Variants in SYNDIG1 observed in about 807,000 individuals in gnomAD.
SYNDIG1 encodes the protein synapse differentiation-inducing gene protein 1.
In SYNDIG1, 9 loss-of-function variants were observed where a neutral mutation model predicts 19.4. The ratio of observed to expected loss-of-function variants is 0.46; its 90% CI spans 0.28 to 0.81. The LOEUF (loss-of-function observed/expected upper bound fraction) is 0.81. Ranked by LOEUF, SYNDIG1 falls within the 30% of genes least tolerant of loss-of-function variation. The pLI is 0.12. For missense variants in SYNDIG1, 311 were observed against 343.3 expected (o/e 0.91, Z 0.74); for synonymous variants, 141 against 145.9 (o/e 0.97, Z 0.24).
chr20:24,558,657 G>A (rs1568640692), intron 2 of SYNDIG1, among the ~76,000 whole-genome samples: 1 of 152,060 alleles, frequency 6.6e-6, no homozygotes, highest in Non-Finnish European at 1.5e-5. Context: ...AATATGTTTA[G>A]CGTACCATTT....
intron 3 of SYNDIG1, among the ~76,000 whole-genome samples, chr20:24,604,342 G>A (rs2058722854): frequency 6.6e-6 from 1 of 152,146 alleles, no homozygotes; most frequent in Non-Finnish European, 1.5e-5. Flanking sequence ...CACAGGATGA[G>A]ACAGGAGGTT....
intron 3 of SYNDIG1, among the ~76,000 whole-genome samples, chr20:24,617,177 G>A (rs1398695368): frequency 1.3e-5 from 2 of 152,164 alleles, no homozygotes; most frequent in African/African-American, 4.8e-5. Context: ...GGGTTCTCCT[G>A]CAGCACGGGG....
rs527380555 is a variant in SYNDIG1 at position 24,658,700 on chromosome 20, A to G, written c.619-6646A>G. On this transcript the variant is annotated intron_variant, in intron 3 of 3. Transcript: ENST00000376862. The surrounding 1 kb of genome is among the most constrained non-coding windows in gnomAD (Gnocchi z 4.4). ...GAGCCTGTTTCCCAGGGGCCTGGGA[A>G]AGCCCACAAAGTGCACAGCCCGGCA... is the stretch of plus-strand genomic sequence containing the variant. 6.6e-6 allele frequency among the ~76,000 whole-genome samples: 1 copy of G among 151,570 alleles called. No individual in the cohort carries two copies. The highest frequency in any genetic ancestry group is 2.0e-4 in the East Asian group (1 of 5,092).
chr20:24,496,189 G>A (rs139326833), intron 1 of SYNDIG1, among the ~76,000 whole-genome samples: 3 of 152,316 alleles, frequency 2.0e-5, no homozygotes, highest in Non-Finnish European at 4.4e-5. Flanking sequence ...TGTTTCAGGA[G>A]CAGCAAGAGA....
chr20:24,487,129 G>T (rs1207745215), intron 1 of SYNDIG1, among the ~76,000 whole-genome samples: 3 of 152,092 alleles, frequency 2.0e-5, no homozygotes, highest in Non-Finnish European at 4.4e-5. Context: ...GGGAAGAAAT[G>T]GCTTCAGCTG....
intron 1 of SYNDIG1, among the ~76,000 whole-genome samples, chr20:24,471,217 G>A (rs1362940868): frequency 6.6e-6 from 1 of 152,084 alleles, no homozygotes; most frequent in African/African-American, 2.4e-5. Flanking sequence ...TGCCGCGTCG[G>A]GGATCGGAAG....
At chr20:24,533,668 C>T (rs957043942) in intron 1 of SYNDIG1, among the ~76,000 whole-genome samples, 4 of 152,102 alleles carry the variant, frequency 2.6e-5, no homozygotes, top group Admixed American at 2.6e-4. Context: ...AGCCTCCGAG[C>T]TGTCCCACCC....
At chr20:24,471,019 CAGTT>C (rs2055427671) in intron 1 of SYNDIG1, among the ~76,000 whole-genome samples, 1 of 152,076 alleles carries the variant, frequency 6.6e-6, no homozygotes, top group African/African-American at 2.4e-5. Flanking sequence ...TGGTTGGAAT[CAGTT>C]GGTGAGGCGT....
At chr20:24,626,679 C>T (rs1453229242) in intron 3 of SYNDIG1, among the ~76,000 whole-genome samples, 1 of 152,252 alleles carries the variant, frequency 6.6e-6, no homozygotes, top group Middle Eastern at 3.2e-3. Context: ...GGGGTAGCGG[C>T]CGGGCAGAGG....
intron 1 of SYNDIG1, among the ~76,000 whole-genome samples, 191 bp downstream of exon 1, chr20:24,469,944 C>T (rs1427479557): frequency 1.3e-5 from 2 of 151,274 alleles, no homozygotes; most frequent in African/African-American, 4.9e-5. Context: ...GGGTGGTCGC[C>T]GCGACGAGAC....
chr20:24,484,058 A>G (rs1178727519), intron 1 of SYNDIG1, among the ~76,000 whole-genome samples: 2 of 152,200 alleles, frequency 1.3e-5, no homozygotes, highest in Admixed American at 6.5e-5. Flanking sequence ...TTCCGTCTGC[A>G]TCAGTGGTGT....
At position 24,583,027 on chromosome 20, in the gene SYNDIG1, T is replaced by C. The variant is rs903280930; in HGVS notation, c.481-1829T>C. 1.6e-4 allele frequency among the ~76,000 whole-genome samples: 24 copies of C among 152,186 alleles called. 1 individual carries two copies. Among genetic ancestry groups the C allele is most frequent in the Non-Finnish European group, 1.5e-5 (1 of 68,022 alleles). ...CGAGAGGCCACCTGGGACGTCCTTA[T>C]TGTTGGACTGATCCCATGAAAATAT... On this transcript the variant is annotated intron_variant, in intron 2 of 3. Coordinates refer to ENST00000376862, the MANE Select transcript of SYNDIG1 (RefSeq NM_024893.3).
intron 1 of SYNDIG1, among the ~76,000 whole-genome samples, chr20:24,531,021 G>T (rs2057247803): frequency 1.3e-5 from 2 of 151,996 alleles, no homozygotes; most frequent in Admixed American, 1.3e-4. Flanking sequence ...TGTTGACCAG[G>T]CTGGTCTTGA....
intron 3 of SYNDIG1, 132 bp from the exon 4 acceptor site, chr20:24,665,214 C>A (rs2059636712): frequency 1.8e-6 from 2 of 1,137,538 alleles, no homozygotes; most frequent in Non-Finnish European, 2.5e-6. Context: ...CAGGGGTGAG[C>A]ACAGTTTCCC....
At chr20:24,544,381 C>T (rs912944422) in intron 2 of SYNDIG1, among the ~76,000 whole-genome samples, 2 of 152,116 alleles carry the variant, frequency 1.3e-5, no homozygotes, top group South Asian at 4.1e-4. Context: ...CAGGGAAACA[C>T]GTGCCAGGCT....
chr20:24,513,459 C>T (rs965112399), intron 1 of SYNDIG1, among the ~76,000 whole-genome samples: 14 of 152,056 alleles, frequency 9.2e-5, no homozygotes, highest in Non-Finnish European at 1.8e-4. Context: ...AACCATGGCA[C>T]GAGAACTATG....
At chr20:24,542,356 T>C (rs1033153662) in intron 1 of SYNDIG1, among the ~76,000 whole-genome samples, 2 of 152,190 alleles carry the variant, frequency 1.3e-5, no homozygotes, top group African/African-American at 2.4e-5. Context: ...TCAGCTGGGA[T>C]CGTGTTAAAA....
At chr20:24,527,681 A>C (rs559717267) in intron 1 of SYNDIG1, among the ~76,000 whole-genome samples, 1 of 152,026 alleles carries the variant, frequency 6.6e-6, no homozygotes, top group Non-Finnish European at 1.5e-5. Context: ...GTTTGTTTCT[A>C]TTCTGCCTGT....
Position 24,658,621 on chromosome 20 carries a change from C to A in SYNDIG1, c.619-6725C>A, listed in dbSNP as rs919868376. 6.6e-6 allele frequency among the ~76,000 whole-genome samples: 1 copy of A among 151,680 alleles called. No homozygotes were observed. The highest frequency in any genetic ancestry group is 1.5e-5 in the Non-Finnish European group (1 of 67,878). On this transcript the variant is annotated intron_variant, in intron 3 of 3. Coordinates refer to ENST00000376862, the MANE Select transcript of SYNDIG1 (RefSeq NM_024893.3). This position sits in a 1 kb window ranked among gnomAD's most constrained non-coding sequence, Gnocchi z 4.4. ...TGTGGAGTATGACCCCCCACCCCCA[C>A]CCCCCGGCGATTCACTGAATGTGAA... is the stretch of plus-strand genomic sequence containing the variant.
Sources: gnomAD v4.1 joint callset for allele counts (sites outside exome capture counted in the v4.1 genomes callset) on GRCh38, gnomAD v4.1.1 for gene constraint, Gnocchi (gnomAD v3.1) non-coding constraint, MANE v1.5 for transcripts, NCBI Gene and HGNC (gene_info 2026-07-23, HGNC 2026-07-21) for gene names.